CHKA: variants seen among roughly 807,000 people sequenced by gnomAD.
CHKA encodes the protein CHETK-alpha.
CHKA carries 34 observed loss-of-function variants against 60.1 expected under a neutral mutation model. The ratio of observed to expected loss-of-function variants is 0.57; its 90% CI spans 0.43 to 0.75. The LOEUF (loss-of-function observed/expected upper bound fraction) is 0.75, where lower values mean the gene tolerates loss of function less well. Ranked by LOEUF, CHKA falls within the 30% of genes least tolerant of loss-of-function variation. The pLI, the probability that CHKA is intolerant of heterozygous loss-of-function variation, is 0.00. For missense variants in CHKA, 563 were observed against 561.3 expected, an observed-to-expected ratio of 1.00 and a Z score of -0.03; for synonymous variants, 217 against 223.1, an observed-to-expected ratio of 0.97 and a Z score of 0.24.
intron 11 of CHKA, among the ~76,000 whole-genome samples, chr11:68,060,113 G>A (rs900747370): frequency 2.1e-4 from 31 of 146,328 alleles, no homozygotes; most frequent in Admixed American, 5.6e-4. Flanking sequence ...TGCAAGCTCC[G>A]CCTCCTGGGT....
intron 11 of CHKA, among the ~76,000 whole-genome samples, chr11:68,058,017 G>A (rs919343702): frequency 6.6e-5 from 10 of 152,088 alleles, no homozygotes; most frequent in African/African-American, 1.4e-4. Context: ...AGCCTCCCGC[G>A]CAGCTGGGAC....
At chr11:68,120,083 C>T (rs138906048) in intron 1 of CHKA, among the ~76,000 whole-genome samples, 149 of 152,020 alleles carry the variant, frequency 9.8e-4, no homozygotes, top group African/African-American at 3.6e-3. Flanking sequence ...ACAAAATTAG[C>T]CGGGCGTGGT....
chr11:68,109,679 G>A (rs1858060968), intron 1 of CHKA, among the ~76,000 whole-genome samples: 1 of 152,208 alleles, frequency 6.6e-6, no homozygotes, highest in African/African-American at 2.4e-5. Flanking sequence ...TAGGCTGGAT[G>A]TGGTGGCTCG....
intron 1 of CHKA, among the ~76,000 whole-genome samples, chr11:68,111,064 T>C (rs186302500): frequency 6.7e-6 from 1 of 150,280 alleles, no homozygotes; most frequent in Non-Finnish European, 1.5e-5. Flanking sequence ...GAATAGCCAA[T>C]GAAGAATAAA....
intron 11 of CHKA, among the ~76,000 whole-genome samples, chr11:68,060,948 C>A (rs1257988523): frequency 6.6e-6 from 1 of 152,060 alleles, no homozygotes; most frequent in African/African-American, 2.4e-5. Flanking sequence ...TAGTCCCATC[C>A]CTGTCCCAAA....
At chr11:68,056,697 T>C (rs2134483925) in intron 11 of CHKA, among the ~76,000 whole-genome samples, 1 of 152,234 alleles carries the variant, frequency 6.6e-6, no homozygotes, top group African/African-American at 2.4e-5. Context: ...CCCACCTATT[T>C]ATCTCTTCAC....
At chr11:68,062,436 C>T (rs1301679291) in intron 10 of CHKA, among the ~76,000 whole-genome samples, 1 of 152,238 alleles carries the variant, frequency 6.6e-6, no homozygotes, top group African/African-American at 2.4e-5. Flanking sequence ...AAGAGGCAGC[C>T]CTTTGCTGGA....
chr11:68,089,156 G>A (rs1006699904), intron 2 of CHKA, among the ~76,000 whole-genome samples: 3 of 152,182 alleles, frequency 2.0e-5, no homozygotes, highest in Non-Finnish European at 4.4e-5. Flanking sequence ...AAAGACAGGT[G>A]AGTGGAAGCC....
chr11:68,056,681 C>G (rs910350005), intron 11 of CHKA, among the ~76,000 whole-genome samples: 2 of 152,084 alleles, frequency 1.3e-5, no homozygotes, highest in African/African-American at 4.8e-5. Context: ...TCCTTTCAGA[C>G]CTCACCCCAC....
At chr11:68,085,136 G>C (rs1243049985) in intron 2 of CHKA, among the ~76,000 whole-genome samples, 2 of 152,046 alleles carry the variant, frequency 1.3e-5, no homozygotes, top group Admixed American at 1.3e-4. Flanking sequence ...TCATTAGCCT[G>C]TGATGTAGGA....
intron 11 of CHKA, among the ~76,000 whole-genome samples, chr11:68,058,948 G>C (rs1225493424): frequency 2.0e-5 from 3 of 152,176 alleles, no homozygotes; most frequent in Non-Finnish European, 4.4e-5. Context: ...CCAGGCTGGA[G>C]TGCAGTGGCG....
intron 3 of CHKA, among the ~76,000 whole-genome samples, chr11:68,080,699 ATGTG>A (rs918072530): frequency 2.6e-5 from 4 of 152,186 alleles, no homozygotes; most frequent in Non-Finnish European, 4.4e-5. Flanking sequence ...TGATGTGGCG[ATGTG>A]TGTATCTACA....
At chr11:68,056,680 A>C (rs1236234352) in intron 11 of CHKA, among the ~76,000 whole-genome samples, 1 of 151,912 alleles carries the variant, frequency 6.6e-6, no homozygotes, top group Non-Finnish European at 1.5e-5. Flanking sequence ...ATCCTTTCAG[A>C]CCTCACCCCA....
At chr11:68,066,603 C>T in intron 7 of CHKA, 87 bp from the exon 8 acceptor site, 3 of 1,025,784 alleles carry the variant, frequency 2.9e-6, no homozygotes, top group Non-Finnish European at 1.5e-6. Context: ...TGGATTTGAT[C>T]CCTTAGGGAA....
chr11:68,090,047 C>T (rs1480771726), intron 2 of CHKA, among the ~76,000 whole-genome samples: 1 of 152,160 alleles, frequency 6.6e-6, no homozygotes, highest in African/African-American at 2.4e-5. Flanking sequence ...AAATCCCAAA[C>T]ATTTAATACC....
At position 68,120,945 on chromosome 11, in the gene CHKA, G is replaced by C. The variant is rs548906257; in HGVS notation, c.233C>G (p.Pro78Arg). The C allele has an allele frequency of 6.0e-6, 7 of 1,174,398 alleles. No individual in the cohort carries two copies. Among genetic ancestry groups the C allele is most frequent in the Non-Finnish European group, 7.4e-6 (7 of 946,030 alleles). 72.7% of individuals were successfully genotyped at this position (1,174,398 alleles called of 1,614,324 possible). Reference sequence around the variant, plus strand: ...CCGGGGCTCCGGCTGCTCGTCTGCGGGCGGCTGCGGCGGCGGGGGCTGGGG... The same window carrying C: ...CCGGGGCTCCGGCTGCTCGTCTGCGCGCGGCTGCGGCGGCGGGGGCTGGGG... ...PLPQPPPPQP[P>R]ADEQPEPRTR... Residue 78 changes from proline to arginine, a missense_variant, in exon 1 of 12, where the codon CCC (proline) becomes CGC (arginine). By Grantham distance (103) the Pro-to-Arg change is moderately radical (BLOSUM62 -2). Coordinates refer to ENST00000265689, the MANE Select transcript of CHKA (RefSeq NM_001277.3).
intron 1 of CHKA, among the ~76,000 whole-genome samples, chr11:68,107,130 T>C (rs563760931): frequency 3.9e-5 from 6 of 152,026 alleles, no homozygotes; most frequent in Non-Finnish European, 5.9e-5. Context: ...CAGGCACCTG[T>C]AATCCCAGCT....
chr11:68,118,854 A>G (rs1330070926), intron 1 of CHKA, among the ~76,000 whole-genome samples: 1 of 152,216 alleles, frequency 6.6e-6, no homozygotes, highest in African/African-American at 2.4e-5. Flanking sequence ...TTAACTGCTG[A>G]GTGACTCTCC....
intron 11 of CHKA, among the ~76,000 whole-genome samples, chr11:68,057,137 G>T (rs1033226830): frequency 6.6e-6 from 1 of 152,202 alleles, no homozygotes. Context: ...TGTTGGCGGG[G>T]AGAACCACCC....
Sources: gnomAD v4.1 joint callset for allele counts (sites outside exome capture counted in the v4.1 genomes callset) on GRCh38, gnomAD v4.1.1 for gene constraint, MANE v1.5 for transcripts, NCBI Gene and HGNC (gene_info 2026-07-23, HGNC 2026-07-21) for gene names.